The following MAOA variants were observed in gnomAD, a reference collection of about 807,000 sequenced individuals.
The protein encoded by MAOA is amine oxidase [flavin-containing] A.
A neutral mutation model predicts 42.0 loss-of-function variants in MAOA; 6 were observed. The observed-to-expected ratio is 0.14, with a 90% CI of 0.08 to 0.28. The LOEUF (loss-of-function observed/expected upper bound fraction) is 0.28. Ranked by LOEUF, MAOA falls within the 10% of genes least tolerant of loss-of-function variation. MAOA has a pLI of 1.00. For synonymous variants in MAOA, 140 were observed against 154.0 expected, an observed-to-expected ratio of 0.91 and a Z score of 0.67; for missense variants, 262 against 422.3, an observed-to-expected ratio of 0.62 and a Z score of 3.33.
At chrX:43,682,567 G>T (rs1325300520) in intron 1 of MAOA, among the ~76,000 whole-genome samples, 1 of 111,835 alleles carries the variant, frequency 8.9e-6, no homozygotes, top group Non-Finnish European at 1.9e-5. Context: ...ATAAGTAAAT[G>T]ATTGAAAAAG....
chrX:43,711,744 T>C, intron 3 of MAOA, 128 bp from the exon 4 acceptor site: 1 of 523,285 alleles, frequency 1.9e-6, no homozygotes, highest in Non-Finnish European at 3.4e-6. Context: ...AAGGTAATGT[T>C]TCTGACACAG....
chrX:43,686,537 G>A (rs1426703707), intron 2 of MAOA, among the ~76,000 whole-genome samples: 3 of 112,650 alleles, frequency 2.7e-5, no homozygotes, highest in African/African-American at 9.7e-5. Context: ...GGTGGCTCAC[G>A]CCTGTAATCC....
chrX:43,697,279 G>A (rs780516267), intron 3 of MAOA, among the ~76,000 whole-genome samples: 1 of 111,872 alleles, frequency 8.9e-6, no homozygotes, highest in Admixed American at 9.5e-5. Context: ...GCTTGTCCTG[G>A]CTCTTTCTGG....
rs754141909 is a variant in MAOA at position 43,709,333 on chromosome X, C to T, written c.307-2539C>T. Among the ~76,000 whole-genome samples, 8 of 111,635 alleles carry T rather than the reference C, an allele frequency of 7.2e-5. 1 individual carries two copies. In the South Asian group the frequency reaches 3.0e-3, roughly 42 times the overall value. Reference sequence around the variant, plus strand: ...GTTGGCATCTTTCTGTGAAGAACTTCGTTAGGAATGTGGGACACATTTTGT... The same window carrying T: ...GTTGGCATCTTTCTGTGAAGAACTTTGTTAGGAATGTGGGACACATTTTGT... On this transcript the variant is annotated intron_variant, in intron 3 of 14. Coordinates refer to ENST00000338702, the MANE Select transcript of MAOA (RefSeq NM_000240.4).
intron 9 of MAOA, among the ~76,000 whole-genome samples, chrX:43,734,996 A>G (rs2033909673): frequency 8.9e-6 from 1 of 112,534 alleles, no homozygotes; most frequent in African/African-American, 3.2e-5. Context: ...ATAACAAGCT[A>G]TAACTTGAGG....
intron 5 of MAOA, among the ~76,000 whole-genome samples, chrX:43,722,018 C>T (rs1264910588): frequency 8.9e-6 from 1 of 111,806 alleles, no homozygotes; most frequent in Non-Finnish European, 1.9e-5. Context: ...AGGACATGAA[C>T]TCATCCTTTT....
intron 5 of MAOA, 90 bp downstream of exon 5, chrX:43,712,886 A>T: frequency 3.1e-6 from 2 of 643,510 alleles, no homozygotes; most frequent in Non-Finnish European, 5.0e-6. Flanking sequence ...TTTCTTAACA[A>T]CTTACAGAAA....
chrX:43,682,719 G>T (rs1192767619), intron 1 of MAOA, among the ~76,000 whole-genome samples: 2 of 111,195 alleles, frequency 1.8e-5, no homozygotes, highest in Admixed American at 1.9e-4. Context: ...TGTTAAGATG[G>T]GAAAAAGAAT....
rs1014578207 is a variant in MAOA at position 43,746,813 on chromosome X, C to G, written c.*2300C>G. 1 of 111,887 alleles carries G rather than the reference C, an allele frequency of 8.9e-6. No homozygotes were observed. Among genetic ancestry groups the G allele is most frequent in the African/African-American group, 3.3e-5 (1 of 30,733 alleles). The allele number at this position is 111,887 out of a possible 1,213,427, so 9.2% of individuals were successfully genotyped here. On this transcript the variant is annotated 3_prime_UTR_variant, in exon 15 of 15. Coordinates refer to ENST00000338702, the MANE Select transcript of MAOA (RefSeq NM_000240.4). Reference sequence around the variant, plus strand: ...TTTGTTAATAAAGTGCACTGCCACCCCCAATGCAGACTCGACTCCTGTATT... The same window carrying G: ...TTTGTTAATAAAGTGCACTGCCACCGCCAATGCAGACTCGACTCCTGTATT...
At chrX:43,702,067 T>A (rs998408800) in intron 3 of MAOA, among the ~76,000 whole-genome samples, 5 of 112,014 alleles carry the variant, frequency 4.5e-5, no homozygotes, top group African/African-American at 1.6e-4. Flanking sequence ...TAACGTCCAA[T>A]GAATCCCATA....
At chrX:43,729,034 G>A (rs1601946628) in intron 6 of MAOA, among the ~76,000 whole-genome samples, 2 of 112,460 alleles carry the variant, frequency 1.8e-5, no homozygotes, top group African/African-American at 3.2e-5. Context: ...TTAATTAGTA[G>A]CAGTTTACTT....
intron 10 of MAOA, among the ~76,000 whole-genome samples, chrX:43,737,371 G>A (rs2033927731): frequency 8.9e-6 from 1 of 111,860 alleles, no homozygotes; most frequent in Non-Finnish European, 1.9e-5. Flanking sequence ...TTGTGATACT[G>A]TAACAAAGTG....
intron 3 of MAOA, among the ~76,000 whole-genome samples, chrX:43,702,643 G>C (rs998272225): frequency 9.8e-5 from 11 of 111,964 alleles, no homozygotes; most frequent in Non-Finnish European, 2.1e-4. Flanking sequence ...TGATCCTGAA[G>C]GCTGTGAAAC....
At chrX:43,690,087 T>A (rs2033520537) in intron 2 of MAOA, among the ~76,000 whole-genome samples, 3 of 110,581 alleles carry the variant, frequency 2.7e-5, no homozygotes, top group South Asian at 7.7e-4. Context: ...GGTGAGAATT[T>A]CTTTTTTATT....
chrX:43,695,922 A>G (rs2033575186), intron 3 of MAOA, among the ~76,000 whole-genome samples: 1 of 111,533 alleles, frequency 9.0e-6, no homozygotes, highest in Non-Finnish European at 1.9e-5. Flanking sequence ...AGATCGTGAC[A>G]TGCTATCCAA....
intron 1 of MAOA, among the ~76,000 whole-genome samples, chrX:43,657,685 G>C (rs2033195501): frequency 8.9e-6 from 1 of 112,101 alleles, no homozygotes; most frequent in African/African-American, 3.2e-5. Flanking sequence ...AATAATTTCT[G>C]AGTTATCCCT....
intron 2 of MAOA, 148 bp from the exon 3 acceptor site, chrX:43,693,143 G>A (rs964792013): frequency 2.3e-5 from 12 of 527,179 alleles, no homozygotes; most frequent in Non-Finnish European, 3.2e-5. Flanking sequence ...GAGTGGATGA[G>A]GAAAGATTGC....
chrX:43,681,878 A>ATT lies in MAOA; in HGVS notation c.74-1634_74-1633insTT, dbSNP rs1282241261. Among the ~76,000 whole-genome samples, 126 of 80,338 alleles carry ATT rather than the reference A, an allele frequency of 1.6e-3. 1 individual carries two copies. The highest frequency in any genetic ancestry group is 1.9e-3 in the Non-Finnish European group (83 of 43,826). 69.8% of individuals were successfully genotyped at this position (80,338 alleles called of 115,157 possible). A position where few individuals can be genotyped will look rare whatever the true frequency, so the allele number is the denominator to read the frequency against. Reference sequence around the variant, plus strand: ...GCACAATAGCACTATATATATATATATATTTTTTTTTTTTTTTCTTTGAGA... The same window carrying ATT: ...GCACAATAGCACTATATATATATATATTTATTTTTTTTTTTTTTTCTTTGAGA... On this transcript the variant is annotated intron_variant, in intron 1 of 14. Coordinates refer to ENST00000338702, the MANE Select transcript of MAOA (RefSeq NM_000240.4).
At chrX:43,658,518 AC>A (rs1041058642) in intron 1 of MAOA, among the ~76,000 whole-genome samples, 1 of 111,906 alleles carries the variant, frequency 8.9e-6, no homozygotes, top group Non-Finnish European at 1.9e-5. Context: ...TAGAGAGGAT[AC>A]CCAAGTTATA....
Sources: gnomAD v4.1 joint callset for allele counts (sites outside exome capture counted in the v4.1 genomes callset) on GRCh38, gnomAD v4.1.1 for gene constraint, MANE v1.5 for transcripts, NCBI Gene and HGNC (gene_info 2026-07-23, HGNC 2026-07-21) for gene names.